The following KIF26B variants were observed in gnomAD, a reference collection of about 807,000 sequenced individuals.
The protein encoded by KIF26B is kinesin family member 26B, also known as kinesin-like protein KIF26B.
In KIF26B, 63 loss-of-function variants were observed where a neutral mutation model predicts 151.2. The ratio of observed to expected loss-of-function variants is 0.42; its 90% CI spans 0.34 to 0.51. The LOEUF (loss-of-function observed/expected upper bound fraction) is 0.51, where lower values mean the gene tolerates loss of function less well. Among genes scored for constraint, KIF26B ranks in the 20% least tolerant of loss-of-function variants. KIF26B has a pLI of 0.07. For missense variants in KIF26B, 2,813 were observed against 2,913.6 expected (o/e 0.97, Z 0.79); for synonymous variants, 1,357 against 1,262.1 (o/e 1.08, Z -1.59).
chr1:245,502,294 C>T (rs774825863), intron 4 of KIF26B, among the ~76,000 whole-genome samples: 1 of 151,910 alleles, frequency 6.6e-6, no homozygotes, highest in Non-Finnish European at 1.5e-5. Context: ...TTTGGGAGGC[C>T]GAGGTGGGCA....
intron 10 of KIF26B, among the ~76,000 whole-genome samples, chr1:245,674,518 T>C (rs1444835818): frequency 6.6e-6 from 1 of 152,182 alleles, no homozygotes; most frequent in Non-Finnish European, 1.5e-5. Flanking sequence ...TTAACTTCAT[T>C]AGAATATGTA....
At chr1:245,388,045 A>T (rs183280903) in intron 3 of KIF26B, among the ~76,000 whole-genome samples, 5 of 151,888 alleles carry the variant, frequency 3.3e-5, no homozygotes, top group Middle Eastern at 3.4e-3. Context: ...CAGAGTTGCG[A>T]CCTCTCTCCC....
chr1:245,515,445 A>G (rs918313194), intron 4 of KIF26B, among the ~76,000 whole-genome samples: 1 of 151,946 alleles, frequency 6.6e-6, no homozygotes, highest in Non-Finnish European at 1.5e-5. Context: ...CCGAACGGAT[A>G]CGTAAATGAC....
At chr1:245,394,854 C>T (rs113169628) in intron 3 of KIF26B, among the ~76,000 whole-genome samples, 25,620 of 151,616 alleles carry the variant, frequency 0.17, 3,641 homozygotes, top group African/African-American at 0.38. Flanking sequence ...CCACGCCTGG[C>T]TAATTTTTTG....
At chr1:245,379,308 C>T (rs1673347826) in intron 3 of KIF26B, among the ~76,000 whole-genome samples, 1 of 152,122 alleles carries the variant, frequency 6.6e-6, no homozygotes, top group Non-Finnish European at 1.5e-5. Flanking sequence ...AGTTTTCCCC[C>T]ATATTTGGGG....
chr1:245,194,313 T>G (rs1470159728), intron 2 of KIF26B, among the ~76,000 whole-genome samples: 1 of 152,178 alleles, frequency 6.6e-6, no homozygotes, highest in Non-Finnish European at 1.5e-5. Flanking sequence ...AGGGAGGCCC[T>G]CTCTGAGCAC....
chr1:245,556,313 CTTCTTCTTCTTCCTCCTTCT>C (rs1282116651), intron 5 of KIF26B, among the ~76,000 whole-genome samples: 4 of 134,902 alleles, frequency 3.0e-5, no homozygotes, highest in African/African-American at 1.2e-4. Flanking sequence ...CCTCCTCCTC[CTTCTTCTTCTTCCTCCTTCT>C]TCCTCCTTCC....
At chr1:245,614,221 C>G (rs1050398039) in intron 9 of KIF26B, among the ~76,000 whole-genome samples, 17 of 152,220 alleles carry the variant, frequency 1.1e-4, no homozygotes, top group African/African-American at 4.1e-4. Context: ...GTTGCCCAGG[C>G]TGGAGTACAG....
intron 4 of KIF26B, among the ~76,000 whole-genome samples, chr1:245,480,607 G>A (rs1660144286): frequency 1.3e-5 from 2 of 151,704 alleles, no homozygotes; most frequent in Admixed American, 1.3e-4. Flanking sequence ...AAGAGTCAGA[G>A]CTGGCAGAGT....
intron 3 of KIF26B, among the ~76,000 whole-genome samples, chr1:245,393,852 G>A (rs892193438): frequency 3.9e-5 from 6 of 152,174 alleles, no homozygotes; most frequent in African/African-American, 7.2e-5. Flanking sequence ...TAGCCTAGAT[G>A]CCCTGGGTGT....
Position 245,166,696 on chromosome 1 carries a change from C to A in KIF26B, c.465+10013C>A, listed in dbSNP as rs146724647. On this transcript the variant is annotated intron_variant, in intron 2 of 14. Transcript: ENST00000407071. The surrounding 1 kb of genome is among the most constrained non-coding windows in gnomAD (Gnocchi z 4.5). ...AATTTGGGCTTATCTGCCTTCCAAT[C>A]CAGCTTTATCTGTCTCAGACGGTTT... Among the ~76,000 whole-genome samples the A allele has an allele frequency of 2.9e-4, 44 of 152,310 alleles. No individual in the cohort carries two copies. The East Asian group carries it at 4.6e-3, about 16-fold the overall frequency.
At chr1:245,191,439 C>T (rs1669107902) in intron 2 of KIF26B, among the ~76,000 whole-genome samples, 3 of 152,092 alleles carry the variant, frequency 2.0e-5, no homozygotes, top group African/African-American at 7.2e-5. Context: ...CACACCACTA[C>T]ACACCCACCT....
At chr1:245,204,211 G>C (rs1026402789) in intron 2 of KIF26B, among the ~76,000 whole-genome samples, 3 of 152,140 alleles carry the variant, frequency 2.0e-5, no homozygotes, top group Non-Finnish European at 2.9e-5. Context: ...ATCAGGCCTA[G>C]GAGAGAGGAA....
At chr1:245,497,032 A>G (rs1164884982) in intron 4 of KIF26B, among the ~76,000 whole-genome samples, 3 of 152,056 alleles carry the variant, frequency 2.0e-5, no homozygotes, top group African/African-American at 7.2e-5. Flanking sequence ...GCATGTCTGT[A>G]ATCGCAACTA....
chr1:245,669,159 T>G (rs1485070680), intron 10 of KIF26B, among the ~76,000 whole-genome samples: 1 of 152,208 alleles, frequency 6.6e-6, no homozygotes, highest in Non-Finnish European at 1.5e-5. Flanking sequence ...CCCCAGCCAA[T>G]GACTGGTTAG....
At chr1:245,306,468 A>G (rs1417523277) in intron 2 of KIF26B, among the ~76,000 whole-genome samples, 1 of 152,222 alleles carries the variant, frequency 6.6e-6, no homozygotes, top group African/African-American at 2.4e-5. Flanking sequence ...CCCTGTAAAT[A>G]TACTAAAAAG....
intron 1 of KIF26B, among the ~76,000 whole-genome samples, chr1:245,155,989 T>C (rs918160225): frequency 8.0e-6 from 1 of 125,138 alleles, no homozygotes; most frequent in Non-Finnish European, 1.7e-5. Flanking sequence ...GCTGAACCTA[T>C]GGATCCCCCC....
chr1:245,277,968 A>T (rs1038837734), intron 2 of KIF26B, among the ~76,000 whole-genome samples: 1 of 152,056 alleles, frequency 6.6e-6, no homozygotes, highest in South Asian at 2.1e-4. Context: ...TGGTATCTCA[A>T]TTTCACTGAC....
chr1:245,288,299 C>T (rs1671200777), intron 2 of KIF26B, among the ~76,000 whole-genome samples: 1 of 152,080 alleles, frequency 6.6e-6, no homozygotes, highest in South Asian at 2.1e-4. Context: ...AAATGATTAA[C>T]CCCTTAGGAC....
Sources: gnomAD v4.1 joint callset for allele counts (sites outside exome capture counted in the v4.1 genomes callset) on GRCh38, gnomAD v4.1.1 for gene constraint, Gnocchi (gnomAD v3.1) non-coding constraint, MANE v1.5 for transcripts, NCBI Gene and HGNC (gene_info 2026-07-23, HGNC 2026-07-21) for gene names.